Variants in HGS observed in about 807,000 individuals in gnomAD.
HGS encodes human growth factor-regulated tyrosine kinase substrate.
Under a neutral mutation model 109.7 loss-of-function variants are expected in HGS, and 63 were observed. The observed-to-expected ratio is 0.57, with a 90% CI of 0.47 to 0.71. The LOEUF (loss-of-function observed/expected upper bound fraction) is 0.71. HGS is among the 30% of genes least tolerant of loss of function. HGS has a pLI of 0.00. For synonymous variants in HGS, 546 were observed against 437.3 expected, an observed-to-expected ratio of 1.25 and a Z score of -3.10; for missense variants, 995 against 1,068.3, an observed-to-expected ratio of 0.93 and a Z score of 0.96.
intron 4 of HGS, 89 bp from the exon 5 acceptor site, chr17:81,688,615 A>G (rs2037018470): frequency 1.0e-5 from 16 of 1,526,116 alleles, no homozygotes; most frequent in Admixed American, 1.8e-5. Flanking sequence ...ATCTGCTCAG[A>G]GGCTGAGGTC....
Position 81,695,157 on chromosome 17 carries a change from C to T in HGS, c.1120-7C>T, listed in dbSNP as rs1235236279. The T allele has an allele frequency of 6.2e-7, 1 of 1,614,096 alleles. No homozygotes were observed. The highest frequency in any genetic ancestry group is 8.5e-7 in the Non-Finnish European group (1 of 1,179,964). On this transcript the variant is annotated splice_polypyrimidine_tract_variant and splice_region_variant and intron_variant, in intron 13 of 21. Coordinates refer to ENST00000329138, the MANE Select transcript of HGS (RefSeq NM_004712.5). The stretch of plus-strand genomic sequence containing the variant: ...GTTGGAGGCCCCACTCATTCTCTCT[C>T]TTCCAGAACCCCCTCCCGGAGACAG...
At position 81,696,404 on chromosome 17, in the gene HGS, C is replaced by T. The variant is rs774314346; in HGVS notation, c.1441C>T (p.Arg481Trp). 6 of 1,585,022 alleles carry T rather than the reference C, an allele frequency of 3.8e-6. No individual in the cohort carries two copies. The highest frequency in any genetic ancestry group is 1.8e-5 in the Admixed American group (1 of 54,820). The part of the protein sequence containing the change: ...QDKLAQIRDA[R>W]GALSALREEH... Reference sequence around the variant, plus strand: ...CAAGCTGGCACAGATCCGCGATGCCCGGGGGGCGCTGAGTGCCCTGCGCGA... The same window carrying T: ...CAAGCTGGCACAGATCCGCGATGCCTGGGGGGCGCTGAGTGCCCTGCGCGA... Residue 481 changes from arginine (R) to tryptophan (W), a missense_variant, in exon 16 of 22, where the codon CGG (arginine) becomes TGG (tryptophan). Physicochemically the swap from Arg to Trp is moderately radical, Grantham distance 101. Coordinates refer to ENST00000329138, the MANE Select transcript of HGS (RefSeq NM_004712.5).
Position 81,702,042 on chromosome 17 carries a change from C to T in HGS, c.*424C>T. The T allele has an allele frequency of 5.9e-6, 1 of 169,128 alleles. No individual in the cohort carries two copies. The highest frequency in any genetic ancestry group is 1.3e-5 in the Non-Finnish European group (1 of 79,460). The allele number at this position is 169,128 out of a possible 1,614,324, so 10.5% of individuals were successfully genotyped here. On this transcript the variant is annotated 3_prime_UTR_variant, in exon 22 of 22. Transcript: ENST00000329138. The stretch of plus-strand genomic sequence containing the variant: ...ACAGCCAAGGGTGGAGGCTTCAGGT[C>T]TCCAGCTTCTCTGCTTCTCAGCTGC...
In HGS at chr17:81,696,400, T is replaced by A; in HGVS notation, c.1437T>A (p.Asp479Glu). The A allele has an allele frequency of 6.3e-7, 1 of 1,587,118 alleles. No individual in the cohort carries two copies. The highest frequency in any genetic ancestry group is 8.6e-7 in the Non-Finnish European group (1 of 1,169,386). The stretch of plus-strand genomic sequence containing the variant: ...AGGACAAGCTGGCACAGATCCGCGA[T>A]GCCCGGGGGGCGCTGAGTGCCCTGC... ...GLQDKLAQIR[D>E]ARGALSALRE... is the part of the protein sequence containing the mutation. The change falls in exon 16 of 22, where the codon GAT becomes GAA. Residue 479 changes from aspartate (D) to glutamate (E), a missense_variant. By Grantham distance (45) the Asp-to-Glu change is conservative. Coordinates refer to ENST00000329138, the MANE Select transcript of HGS (RefSeq NM_004712.5).
Position 81,691,253 on chromosome 17 carries a change from G to A in HGS, c.538-194G>A. ...TTACCTTATTTTCCCCAAAACGGTGGCTGGCGTTGAGACTCCCGGGAGCAT... is the reference window on the plus strand; with the variant it reads ...TTACCTTATTTTCCCCAAAACGGTGACTGGCGTTGAGACTCCCGGGAGCAT... On this transcript the variant is annotated intron_variant, in intron 7 of 21. Coordinates refer to ENST00000329138, the MANE Select transcript of HGS (RefSeq NM_004712.5). The surrounding 1 kb of genome is among the most constrained non-coding windows in gnomAD (Gnocchi z 5.3). 1 of 625,596 alleles carries A rather than the reference G, an allele frequency of 1.6e-6. No homozygotes were observed. The highest frequency in any genetic ancestry group is 1.9e-5 in the South Asian group (1 of 52,086). The allele number at this position is 625,596 out of a possible 1,614,324, so 38.8% of individuals were successfully genotyped here.
Position 81,691,576 on chromosome 17 carries a change from G to T in HGS, c.662+5G>T. The T allele has an allele frequency of 6.2e-7, 1 of 1,613,970 alleles. No individual in the cohort carries two copies. Among genetic ancestry groups the T allele is most frequent in the Non-Finnish European group, 8.5e-7 (1 of 1,179,950 alleles). ...CTGCTACGAGCAGCTGAACAGGTGA[G>T]TCCCCGCCCCCCATTTGGGCTGCAG... On this transcript the variant is annotated splice_donor_5th_base_variant and intron_variant, in intron 8 of 21. Coordinates refer to ENST00000329138, the MANE Select transcript of HGS (RefSeq NM_004712.5). This position sits in a 1 kb window ranked among gnomAD's most constrained non-coding sequence, Gnocchi z 5.3.
In HGS at chr17:81,701,663, C is replaced by A. The variant is rs1236751344; in HGVS notation, c.*45C>A. 1 of 1,514,490 alleles carries A rather than the reference C, an allele frequency of 6.6e-7. No homozygotes were observed. The highest frequency in any genetic ancestry group is 1.4e-5 in the African/African-American group (1 of 72,762). The allele number at this position is 1,514,490 out of a possible 1,614,324, so 93.8% of individuals were successfully genotyped here. A position where few individuals can be genotyped will look rare whatever the true frequency, so the allele number is the denominator to read the frequency against. ...CGGAGTAACACTACATACAGTTCAC[C>A]TGAAACGCCTCGTCTCTAACTGCCG... On this transcript the variant is annotated 3_prime_UTR_variant, in exon 22 of 22. Transcript: ENST00000329138.
At position 81,691,092 on chromosome 17, in the gene HGS, A is replaced by G. The variant is rs1044845446; in HGVS notation, c.537+350A>G. 2 of 444,542 alleles carry G rather than the reference A, an allele frequency of 4.5e-6. No individual in the cohort carries two copies. The highest frequency in any genetic ancestry group is 8.2e-6 in the Non-Finnish European group (2 of 244,478). 27.5% of individuals were successfully genotyped at this position (444,542 alleles called of 1,614,324 possible). On this transcript the variant is annotated intron_variant, in intron 7 of 21. Transcript: ENST00000329138. The surrounding 1 kb of genome is among the most constrained non-coding windows in gnomAD (Gnocchi z 5.3). ...TTACCCTCGAGGCATCTTCACATCA[A>G]AACCCCCTCCAGGCTGGCAACCGGC... is the stretch of plus-strand genomic sequence containing the variant.
intron 13 of HGS, 23 bp from the exon 14 acceptor site, chr17:81,695,141 C>T: frequency 2.5e-6 from 4 of 1,613,926 alleles, no homozygotes; most frequent in African/African-American, 1.3e-5. Flanking sequence ...GGTTGGAGGC[C>T]CCACTCATTC....
At chr17:81,690,374 G>C in intron 6 of HGS, 140 bp downstream of exon 6, 3 of 891,958 alleles carry the variant, frequency 3.4e-6, no homozygotes, top group Non-Finnish European at 3.6e-6. Context: ...GTGTGTCCTG[G>C]GCGGAGGCGT....
Position 81,695,729 on chromosome 17 carries a change from C to T in HGS, c.1180-57C>T, listed in dbSNP as rs532017096. 1,267 of 1,538,600 alleles carry T rather than the reference C, an allele frequency of 8.2e-4. 17 individuals are homozygous for T. The South Asian group carries it at 0.013, about 16-fold the overall frequency. Reference sequence around the variant, plus strand: ...CTGGGTGCCTCCATCCCAGGCCCCACCAGGGAGGCTGGCTGGGGCGTGGCC... The same window carrying T: ...CTGGGTGCCTCCATCCCAGGCCCCATCAGGGAGGCTGGCTGGGGCGTGGCC... On this transcript the variant is annotated intron_variant, in intron 14 of 21. Transcript: ENST00000329138.
In HGS at chr17:81,693,563, CCT is replaced by C. The variant is rs766886494; in HGVS notation, c.724_725del (p.Leu242ValfsTer78). ...TGCCCCCCGAGTACCTGACCAGCCC[CCT>C]GTCTCAGCAGTCCCAGGTACTCAGC... The part of the protein sequence containing the change: ...ELPPEYLTSP[L>X]SQQSQLPPKR... On this transcript the variant is annotated frameshift_variant, in exon 9 of 22. Coordinates refer to ENST00000329138, the MANE Select transcript of HGS (RefSeq NM_004712.5). LOFTEE classifies it high-confidence loss of function. 6 of 1,612,016 alleles carry C rather than the reference CCT, an allele frequency of 3.7e-6. No individual in the cohort carries two copies. The highest frequency in any genetic ancestry group is 1.7e-5 in the Admixed American group (1 of 59,922).
intron 15 of HGS, 129 bp from the exon 16 acceptor site, chr17:81,696,228 G>A: frequency 7.9e-7 from 1 of 1,265,866 alleles, no homozygotes; most frequent in Non-Finnish European, 1.1e-6. Flanking sequence ...GCCTCCCCCA[G>A]AGCCCAGCAC....
rs1310574650 is a variant in HGS, at chr17:81,701,923, C to T, written c.*305C>T. 3.7e-6 allele frequency: 1 copy of T among 273,422 alleles called. No homozygotes were observed. The highest frequency in any genetic ancestry group is 6.9e-6 in the Non-Finnish European group (1 of 145,740). The allele number at this position is 273,422 out of a possible 1,614,324, so 16.9% of individuals were successfully genotyped here. On this transcript the variant is annotated 3_prime_UTR_variant, in exon 22 of 22. Transcript: ENST00000329138. ...TGGCAGGAATGGGGACCCTCACCCC[C>T]CAAGCAGCCTGTGCCCTCTGGCCGC...
intron 15 of HGS, 83 bp downstream of exon 15, chr17:81,696,082 G>A (rs1867237811): frequency 8.0e-7 from 1 of 1,246,968 alleles, no homozygotes; most frequent in Non-Finnish European, 1.1e-6. Context: ...TCCCCTGAGG[G>A]TGCTGAGCTC....
Position 81,695,190 on chromosome 17 carries a change from G to A in HGS, c.1146G>A (p.Gln382=). 2.5e-6 allele frequency: 4 copies of A among 1,614,170 alleles called. No individual in the cohort carries two copies. The highest frequency in any genetic ancestry group is 1.1e-5 in the South Asian group (1 of 91,088). The part of the protein sequence containing the change: ...VENPLPETDS[Q]PIPPSGGPFS... ...ACCCCCTCCCGGAGACAGACTCTCA[G>A]CCCATTCCTCCCTCTGGTGGCCCCT... is the stretch of plus-strand genomic sequence containing the variant. The change falls in exon 14 of 22, where the codon CAG becomes CAA. Residue 382 remains glutamine, a synonymous_variant. Transcript: ENST00000329138.
Position 81,684,099 on chromosome 17 carries a change from C to G in HGS, c.33C>G (p.Leu11=), listed in dbSNP as rs1269623900. 1 of 1,589,240 alleles carries G rather than the reference C, an allele frequency of 6.3e-7. No individual in the cohort carries two copies. The highest frequency in any genetic ancestry group is 2.3e-5 in the East Asian group (1 of 43,664). MGRGSGTFER[L]LDKATSQLLL... The stretch of plus-strand genomic sequence containing the variant: ...GAGGCAGCGGCACCTTCGAGCGTCT[C>G]CTAGGTAACGCGTCCCCACCCGACG... The change falls in exon 1 of 22, where the codon CTC becomes CTG. Residue 11 remains leucine (L), a synonymous_variant. Transcript: ENST00000329138.
intron 11 of HGS, among the ~76,000 whole-genome samples, chr17:81,694,466 C>T (rs1377029752): frequency 6.6e-6 from 1 of 152,232 alleles, no homozygotes; most frequent in Non-Finnish European, 1.5e-5. Flanking sequence ...CCACCCCTTC[C>T]CTTCTTCCCT....
chr17:81,701,687 C>T lies in HGS; in HGVS notation c.*69C>T, dbSNP rs554508263. The T allele has an allele frequency of 1.7e-5, 25 of 1,501,446 alleles. No homozygotes were observed. Among genetic ancestry groups the T allele is most frequent in the Non-Finnish European group, 2.2e-5 (25 of 1,121,358 alleles). The allele number at this position is 1,501,446 out of a possible 1,614,324, so 93.0% of individuals were successfully genotyped here. A position where few individuals can be genotyped will look rare whatever the true frequency, so the allele number is the denominator to read the frequency against. On this transcript the variant is annotated 3_prime_UTR_variant, in exon 22 of 22. Coordinates refer to ENST00000329138, the MANE Select transcript of HGS (RefSeq NM_004712.5). ...CCTGAAACGCCTCGTCTCTAACTGCCGTCGTCCTGCCTCCCTGTCCTCTAC... is the reference window on the plus strand; with the variant it reads ...CCTGAAACGCCTCGTCTCTAACTGCTGTCGTCCTGCCTCCCTGTCCTCTAC...
Sources: gnomAD v4.1 joint callset for allele counts (sites outside exome capture counted in the v4.1 genomes callset) on GRCh38, gnomAD v4.1.1 for gene constraint, Gnocchi (gnomAD v3.1) non-coding constraint, MANE v1.5 for transcripts, NCBI Gene and HGNC (gene_info 2026-07-23, HGNC 2026-07-21) for gene names.